The following SDK1 variants were observed in gnomAD, a reference collection of about 807,000 sequenced individuals.
SDK1 encodes protein sidekick-1.
In SDK1, 157 loss-of-function variants were observed where a neutral mutation model predicts 245.5. The observed-to-expected ratio is 0.64, with a 90% CI of 0.56 to 0.73. The LOEUF (loss-of-function observed/expected upper bound fraction) is 0.73. SDK1 is among the 30% of genes least tolerant of loss of function. The pLI, the probability that SDK1 is intolerant of heterozygous loss-of-function variation, is 0.00. For synonymous variants in SDK1, 1,647 were observed against 1,278.5 expected, an observed-to-expected ratio of 1.29 and a Z score of -6.15; for missense variants, 3,583 against 3,002.3, an observed-to-expected ratio of 1.19 and a Z score of -4.52.
intron 1 of SDK1, among the ~76,000 whole-genome samples, chr7:3,360,568 G>C (rs1364271233): frequency 6.6e-6 from 1 of 152,112 alleles, no homozygotes; most frequent in African/African-American, 2.4e-5. Context: ...CTTGAAAATT[G>C]CTGATGAAAG....
chr7:3,455,667 G>A (rs968113414), intron 1 of SDK1, among the ~76,000 whole-genome samples: 3 of 152,132 alleles, frequency 2.0e-5, no homozygotes, highest in Admixed American at 6.5e-5. Flanking sequence ...ATACCACACA[G>A]TTTTGATTAT....
chr7:4,067,310 T>A (rs1779969128), intron 19 of SDK1, among the ~76,000 whole-genome samples: 1 of 152,124 alleles, frequency 6.6e-6, no homozygotes, highest in Admixed American at 6.5e-5. Context: ...TTTGCTGGGA[T>A]TTTCTCAGGC....
intron 22 of SDK1, among the ~76,000 whole-genome samples, chr7:4,082,995 C>T (rs1282399963): frequency 2.6e-5 from 4 of 152,158 alleles, no homozygotes; most frequent in Non-Finnish European, 4.4e-5. Flanking sequence ...CATCTCTTTA[C>T]GGTGGTTTTG....
intron 5 of SDK1, among the ~76,000 whole-genome samples, chr7:3,877,097 C>T (rs1781094458): frequency 6.6e-6 from 1 of 152,148 alleles, no homozygotes; most frequent in African/African-American, 2.4e-5. Flanking sequence ...AGCTTCAGAA[C>T]CAGAGAGGCA....
rs541962994 is a variant in SDK1 at position 3,978,725 on chromosome 7, C to G, written c.1994+4180C>G. 2.0e-5 allele frequency among the ~76,000 whole-genome samples: 3 copies of G among 152,210 alleles called. No individual in the cohort carries two copies. In the South Asian group the frequency reaches 6.2e-4, roughly 32 times the overall value. On this transcript the variant is annotated intron_variant, in intron 13 of 44. Coordinates refer to ENST00000404826, the MANE Select transcript of SDK1 (RefSeq NM_152744.4). Reference sequence around the variant, plus strand: ...TTTCAAACTGAGCTCTGTAGTGTTTCCATCATTTACTCAGATAACCAAAAA... The same window carrying G: ...TTTCAAACTGAGCTCTGTAGTGTTTGCATCATTTACTCAGATAACCAAAAA...
At chr7:3,589,156 A>T (rs1015516511) in intron 1 of SDK1, among the ~76,000 whole-genome samples, 4 of 152,170 alleles carry the variant, frequency 2.6e-5, no homozygotes, top group Non-Finnish European at 4.4e-5. Context: ...GGGCCTTTTG[A>T]CGTCAGTACT....
At chr7:3,304,785 ACT>A (rs914195797) in intron 1 of SDK1, among the ~76,000 whole-genome samples, 14 of 151,886 alleles carry the variant, frequency 9.2e-5, no homozygotes, top group African/African-American at 3.1e-4. Flanking sequence ...CTTCCTGGAA[ACT>A]CTCTAGCCCA....
At chr7:4,200,688 C>G (rs1425784128) in intron 35 of SDK1, among the ~76,000 whole-genome samples, 1 of 152,216 alleles carries the variant, frequency 6.6e-6, no homozygotes, top group African/African-American at 2.4e-5. Flanking sequence ...GGCCAGACCA[C>G]AAGAGCAGGT....
chr7:3,995,850 A>AT (rs1562639791), intron 14 of SDK1, among the ~76,000 whole-genome samples: 3 of 149,992 alleles, frequency 2.0e-5, no homozygotes, highest in African/African-American at 4.9e-5. Context: ...TGTAACAAGG[A>AT]TTTTTTCAGT....
At chr7:3,485,683 GTTTTTTTT>G (rs71552309) in intron 1 of SDK1, among the ~76,000 whole-genome samples, 3 of 38,174 alleles carry the variant, frequency 7.9e-5, no homozygotes, top group South Asian at 1.7e-3. Context: ...TCTTTGGAGG[GTTTTTTTT>G]TTTTTTTTTT....
rs3964077 is a variant in SDK1, at chr7:4,189,127, C to T, written c.5098+10541C>T. On this transcript the variant is annotated intron_variant, in intron 35 of 44. Transcript: ENST00000404826. ...TAGTAAAGGGATTTGGAAATCCTCG[C>T]CGTCTTCCTCCTTTTCGTCTATTCA... Among the ~76,000 whole-genome samples, 105 of 152,296 alleles carry T rather than the reference C, an allele frequency of 6.9e-4. 1 individual carries two copies. Among genetic ancestry groups the T allele is most frequent in the African/African-American group, 2.5e-3 (103 of 41,572 alleles).
intron 1 of SDK1, among the ~76,000 whole-genome samples, chr7:3,419,406 C>T (rs1779473970): frequency 6.6e-6 from 1 of 152,122 alleles, no homozygotes; most frequent in South Asian, 2.1e-4. Flanking sequence ...TCATGTTCTC[C>T]TCCCTGACAC....
intron 13 of SDK1, among the ~76,000 whole-genome samples, chr7:3,975,663 T>G (rs1032435216): frequency 4.6e-5 from 7 of 152,232 alleles, no homozygotes; most frequent in African/African-American, 1.7e-4. Context: ...AGTCCCTATT[T>G]GTGGATATAA....
rs1353030810 is a variant in SDK1 at position 4,026,931 on chromosome 7, G to T, written c.2602+9579G>T. ...AGGCGTATACATTTAATTCTATGTGGTAACCTGGAGAAATGGACACCTGTG... is the reference window on the plus strand; with the variant it reads ...AGGCGTATACATTTAATTCTATGTGTTAACCTGGAGAAATGGACACCTGTG... On this transcript the variant is annotated intron_variant, in intron 17 of 44. Coordinates refer to ENST00000404826, the MANE Select transcript of SDK1 (RefSeq NM_152744.4). The surrounding 1 kb of genome is among the most constrained non-coding windows in gnomAD (Gnocchi z 4.1). Among the ~76,000 whole-genome samples, 3 of 152,208 alleles carry T rather than the reference G, an allele frequency of 2.0e-5. No individual in the cohort carries two copies. Among genetic ancestry groups the T allele is most frequent in the Admixed American group, 6.5e-5 (1 of 15,282 alleles).
rs1225532079 is a variant in SDK1 at position 4,268,422 on chromosome 7, C to T, written c.*3038C>T. 10 of 1,120,230 alleles carry T rather than the reference C, an allele frequency of 8.9e-6. No individual in the cohort carries two copies. The highest frequency in any genetic ancestry group is 7.2e-5 in the East Asian group (1 of 13,906). The allele number at this position is 1,120,230 out of a possible 1,614,324, so 69.4% of individuals were successfully genotyped here. On this transcript the variant is annotated 3_prime_UTR_variant, in exon 45 of 45. Coordinates refer to ENST00000404826, the MANE Select transcript of SDK1 (RefSeq NM_152744.4). The stretch of plus-strand genomic sequence containing the variant: ...CAGCCCAAGCCCCTCTCCCCAGCCT[C>T]GCCTTCAGCCTCTCTCCCAGCCTGC...
chr7:3,349,700 C>T (rs900124815), intron 1 of SDK1, among the ~76,000 whole-genome samples: 9 of 152,088 alleles, frequency 5.9e-5, no homozygotes, highest in East Asian at 1.9e-4. Flanking sequence ...CCCGGGTTCA[C>T]GCCCTTCTCC....
chr7:4,215,823 T>C (rs1784765517), intron 38 of SDK1, among the ~76,000 whole-genome samples: 2 of 152,190 alleles, frequency 1.3e-5, no homozygotes, highest in African/African-American at 4.8e-5. Flanking sequence ...GACTATCGGC[T>C]GGGCACTCCC....
chr7:3,560,072 G>GT (rs1025495312), intron 1 of SDK1, among the ~76,000 whole-genome samples: 3 of 152,170 alleles, frequency 2.0e-5, no homozygotes, highest in Non-Finnish European at 4.4e-5. Context: ...GAAGCCTGGT[G>GT]TTTTATCTTA....
chr7:3,588,708 C>T (rs1357596888), intron 1 of SDK1, among the ~76,000 whole-genome samples: 2 of 152,124 alleles, frequency 1.3e-5, no homozygotes, highest in Non-Finnish European at 2.9e-5. Flanking sequence ...TTATCAACAT[C>T]TGTATTGGGT....
Sources: gnomAD v4.1 joint callset for allele counts (sites outside exome capture counted in the v4.1 genomes callset) on GRCh38, gnomAD v4.1.1 for gene constraint, Gnocchi (gnomAD v3.1) non-coding constraint, MANE v1.5 for transcripts, NCBI Gene and HGNC (gene_info 2026-07-23, HGNC 2026-07-21) for gene names.